The following EVC variants were observed in gnomAD, a reference collection of about 807,000 sequenced individuals.
The protein encoded by EVC is evC complex member EVC.
In EVC, 116 loss-of-function variants were observed where a neutral mutation model predicts 118.9. The ratio of observed to expected loss-of-function variants is 0.98; its 90% CI spans 0.84 to 1.14. The LOEUF (loss-of-function observed/expected upper bound fraction) is 1.14, where lower values mean the gene tolerates loss of function less well. Ranked by LOEUF, EVC falls within the 50% of genes most tolerant of loss-of-function variation. The probability of loss-of-function intolerance (pLI) is 0.00; values close to 1 mark genes in which losing one functional copy is unlikely to be tolerated. For missense variants in EVC, 1,401 were observed against 1,246.4 expected (o/e 1.12, Z -1.87); for synonymous variants, 619 against 534.7 (o/e 1.16, Z -2.18).
intron 8 of EVC, 119 bp from the exon 9 acceptor site, chr4:5,752,717 G>A (rs189745406): frequency 9.7e-6 from 10 of 1,026,532 alleles, no homozygotes; most frequent in African/African-American, 6.2e-5. Context: ...TCTGAGCTCC[G>A]CTCTCCCAGG....
At chr4:5,759,204 AGTCT>A (rs1252217599) in intron 11 of EVC, among the ~76,000 whole-genome samples, 2 of 152,206 alleles carry the variant, frequency 1.3e-5, no homozygotes, top group African/African-American at 4.8e-5. Flanking sequence ...GCAGAGGGTC[AGTCT>A]GAGGACAGAT....
intron 1 of EVC, among the ~76,000 whole-genome samples, chr4:5,712,031 G>C (rs1036887757): frequency 6.6e-6 from 1 of 152,192 alleles, no homozygotes; most frequent in African/African-American, 2.4e-5. Context: ...AAGTTTTCAG[G>C]CACCTTCTAC....
rs1359571842 is a variant in EVC, at chr4:5,719,667, G to A, written c.300+294G>A. ...CTTCCCGCCCCCACACACTTCCAGA[G>A]GTGCCCATGCGTGGGATTTCCATTG... On this transcript the variant is annotated intron_variant, in intron 2 of 20. Transcript: ENST00000264956. The surrounding 1 kb of genome is among the most constrained non-coding windows in gnomAD (Gnocchi z 4.7). Among the ~76,000 whole-genome samples, 1 of 152,170 alleles carries A rather than the reference G, an allele frequency of 6.6e-6. No individual in the cohort carries two copies. Among genetic ancestry groups the A allele is most frequent in the Non-Finnish European group, 1.5e-5 (1 of 68,036 alleles).
At chr4:5,816,057 C>T (rs1046381528), downstream of EVC, among the ~76,000 whole-genome samples, 8 of 152,074 alleles carry the variant, frequency 5.3e-5, no homozygotes, top group Admixed American at 5.2e-4. Context: ...TCAGCATTAC[C>T]CAGGGGCTCA....
chr4:5,718,030 G>C (rs1577320123), intron 1 of EVC, among the ~76,000 whole-genome samples: 1 of 152,234 alleles, frequency 6.6e-6, no homozygotes, highest in Non-Finnish European at 1.5e-5. Flanking sequence ...TGACAAACTG[G>C]TGATGTTTCT....
rs1577585074 is a variant in EVC at position 5,789,196 on chromosome 4, G to A, written c.1777-4412G>A. ...AGTCACATCGTGTTGCTTCTCTGCA[G>A]AACCCCCAATGGCTTCTCATTTCAC... On this transcript the variant is annotated intron_variant, in intron 12 of 20. Coordinates refer to ENST00000264956, the MANE Select transcript of EVC (RefSeq NM_153717.3). This position sits in a 1 kb window ranked among gnomAD's most constrained non-coding sequence, Gnocchi z 4.3. Among the ~76,000 whole-genome samples, 1 of 152,144 alleles carries A rather than the reference G, an allele frequency of 6.6e-6. No individual in the cohort carries two copies. Among genetic ancestry groups the A allele is most frequent in the Admixed American group, 6.5e-5 (1 of 15,276 alleles).
chr4:5,815,904 G>T (rs1307292756), downstream of EVC, among the ~76,000 whole-genome samples: 2 of 151,552 alleles, frequency 1.3e-5, no homozygotes. Flanking sequence ...CTTTCCTCCT[G>T]TGGCAACTGG....
chr4:5,720,927 A>G (rs940089270), intron 2 of EVC, among the ~76,000 whole-genome samples: 39 of 152,070 alleles, frequency 2.6e-4, no homozygotes. Flanking sequence ...CCCTCCAAAC[A>G]CTGATTGAGC....
At chr4:5,770,994 A>G (rs906165961) in intron 11 of EVC, among the ~76,000 whole-genome samples, 2 of 150,140 alleles carry the variant, frequency 1.3e-5, no homozygotes, top group African/African-American at 2.5e-5. Flanking sequence ...CCTGGGTGAC[A>G]GAGCGAGACT....
In EVC at chr4:5,809,594, C is replaced by T. The variant is rs779080824; in HGVS notation, c.2765C>T (p.Ala922Val). The T allele has an allele frequency of 6.2e-7, 1 of 1,614,158 alleles. No individual in the cohort carries two copies. Among genetic ancestry groups the T allele is most frequent in the Admixed American group, 1.7e-5 (1 of 60,026 alleles). Reference protein sequence around the residue: ...VPLAESKLLPAKRGLLEKPLR... With the variant: ...VPLAESKLLPVKRGLLEKPLR... Reference sequence around the variant, plus strand: ...CTTGCTGAAAGCAAACTGTTGCCTGCTAAGCGTGGGCTGCTAGGTGAGTCA... The same window carrying T: ...CTTGCTGAAAGCAAACTGTTGCCTGTTAAGCGTGGGCTGCTAGGTGAGTCA... The change falls in exon 19 of 21, where the codon GCT becomes GTT. Residue 922 changes from alanine to valine, a missense_variant. Coordinates refer to ENST00000264956, the MANE Select transcript of EVC (RefSeq NM_153717.3).
intron 2 of EVC, among the ~76,000 whole-genome samples, chr4:5,720,220 G>A (rs895268919): frequency 1.9e-4 from 29 of 152,066 alleles, no homozygotes; most frequent in African/African-American, 7.0e-4. Context: ...TTATTTTTTA[G>A]CATCACTCAT....
the EVC span, among the ~76,000 whole-genome samples, chr4:5,819,566 C>G: frequency 0.089 from 13,509 of 152,216 alleles, 1,358 homozygotes; most frequent in African/African-American, 0.24. Flanking sequence ...CTCCCATGAC[C>G]TGGGAGTCAG....
At chr4:5,791,770 T>A (rs1343932562) in intron 12 of EVC, among the ~76,000 whole-genome samples, 1 of 151,562 alleles carries the variant, frequency 6.6e-6, no homozygotes, top group African/African-American at 2.4e-5. Flanking sequence ...GAGCCAAAAA[T>A]GAGACCACCC....
At position 5,756,039 on chromosome 4, in the gene EVC, A is replaced by G. The variant is rs184528996; in HGVS notation, c.1465-225A>G. On this transcript the variant is annotated intron_variant, in intron 10 of 20. Coordinates refer to ENST00000264956, the MANE Select transcript of EVC (RefSeq NM_153717.3). This position sits in a 1 kb window ranked among gnomAD's most constrained non-coding sequence, Gnocchi z 4.2. ...GCCCCTCCTCATCCTGGCTTTAACA[A>G]AAGCGTGGTGGTTTGTGGTGTTTCC... 2.5e-3 allele frequency among the ~76,000 whole-genome samples: 382 copies of G among 152,210 alleles called. 2 individuals are homozygous for G. The highest frequency in any genetic ancestry group is 8.4e-3 in the African/African-American group (347 of 41,522).
intron 11 of EVC, among the ~76,000 whole-genome samples, chr4:5,777,836 T>G (rs904294354): frequency 6.6e-6 from 1 of 151,360 alleles, no homozygotes; most frequent in South Asian, 2.1e-4. Flanking sequence ...AATGAAATTT[T>G]TTGTTGTTGT....
downstream of EVC, among the ~76,000 whole-genome samples, chr4:5,818,083 A>T (rs141398645): frequency 1.2e-3 from 180 of 152,238 alleles, 2 homozygotes; most frequent in East Asian, 0.032. Context: ...GAGATAATTG[A>T]ATCATGGGGG....
intron 8 of EVC, among the ~76,000 whole-genome samples, chr4:5,748,856 GA>G (rs1200018657): frequency 1.1e-5 from 1 of 89,696 alleles, no homozygotes; most frequent in Admixed American, 1.4e-4. Context: ...CTGGAGCATA[GA>G]ACACTGGTCC....
chr4:5,797,206 C>A lies in EVC; in HGVS notation c.2071C>A (p.His691Asn), dbSNP rs1186502799. The change falls in exon 14 of 21, where the codon CAT (histidine) becomes AAT (asparagine). Residue 691 changes from histidine to asparagine, a missense_variant. By Grantham distance (68) the His-to-Asn change is moderately conservative. Transcript: ENST00000264956. ...GGGGTCCTCCCAGTGCCTGGACGAG[C>A]ATCAGTGGCAGCTGCTCAGGGCCCT... is the stretch of plus-strand genomic sequence containing the variant. Reference protein sequence around the residue: ...EQGSSQCLDEHQWQLLRALEA... With the variant: ...EQGSSQCLDENQWQLLRALEA... 1 of 1,611,668 alleles carries A rather than the reference C, an allele frequency of 6.2e-7. No individual in the cohort carries two copies. The highest frequency in any genetic ancestry group is 8.5e-7 in the Non-Finnish European group (1 of 1,179,682).
intron 1 of EVC, among the ~76,000 whole-genome samples, chr4:5,713,669 T>G (rs1234113968): frequency 1.7e-5 from 1 of 60,530 alleles, no homozygotes; most frequent in African/African-American, 8.0e-5. Flanking sequence ...AGAGCAAGGC[T>G]CCGTCTCAAA....
Sources: gnomAD v4.1 joint callset for allele counts (sites outside exome capture counted in the v4.1 genomes callset) on GRCh38, gnomAD v4.1.1 for gene constraint, Gnocchi (gnomAD v3.1) non-coding constraint, MANE v1.5 for transcripts, NCBI Gene and HGNC (gene_info 2026-07-23, HGNC 2026-07-21) for gene names.